Variants in WDR49 observed in about 807,000 individuals in gnomAD.
WDR49 encodes the protein WD repeat domain 49.
In WDR49, 107 loss-of-function variants were observed where a neutral mutation model predicts 119.5. That is an observed-to-expected ratio of 0.90 (90% CI 0.77 to 1.05). The LOEUF is 1.05. WDR49 is among the 50% of genes least tolerant of loss of function. The pLI is 0.00. For missense variants in WDR49, 1,240 were observed against 1,220.5 expected, an observed-to-expected ratio of 1.02 and a Z score of -0.24; for synonymous variants, 425 against 418.8, an observed-to-expected ratio of 1.01 and a Z score of -0.18.
chr3:167,638,886 T>C, intron 2 of WDR49, among the ~76,000 whole-genome samples: 1 of 151,656 alleles, frequency 6.6e-6, no homozygotes, highest in Admixed American at 6.6e-5. Flanking sequence ...AAGCCAAAAA[T>C]TCAACATTTC....
chr3:167,614,751 A>G (rs1716514283), intron 5 of WDR49, among the ~76,000 whole-genome samples: 1 of 152,238 alleles, frequency 6.6e-6, no homozygotes, highest in Admixed American at 6.5e-5. Flanking sequence ...GCTTCAATAA[A>G]AATTATTATC....
At chr3:167,492,821 C>T (rs1751197658) in intron 18 of WDR49, among the ~76,000 whole-genome samples, 1 of 150,952 alleles carries the variant, frequency 6.6e-6, no homozygotes, top group Admixed American at 6.6e-5. Flanking sequence ...GTAATTCCCA[C>T]CCCCACCCCA....
chr3:167,569,089 C>T (rs996927509), intron 8 of WDR49, among the ~76,000 whole-genome samples: 4 of 151,886 alleles, frequency 2.6e-5, no homozygotes, highest in African/African-American at 9.7e-5. Flanking sequence ...TTACAGGCAC[C>T]CACCACCACA....
chr3:167,612,333 T>C (rs1716377073), intron 5 of WDR49, among the ~76,000 whole-genome samples: 1 of 150,788 alleles, frequency 6.6e-6, no homozygotes, highest in Non-Finnish European at 1.5e-5. Context: ...AAAGCAGTAC[T>C]AAGAGGGAAG....
At chr3:167,500,320 G>A (rs111670512) in intron 17 of WDR49, 21 bp from the exon 18 acceptor site, 285 of 1,604,034 alleles carry the variant, frequency 1.8e-4, no homozygotes, top group African/African-American at 1.5e-3. Flanking sequence ...GCAGGTTTTA[G>A]AGGAAGACAG....
At chr3:167,527,444 T>C (rs192844244) in intron 15 of WDR49, among the ~76,000 whole-genome samples, 1 of 152,292 alleles carries the variant, frequency 6.6e-6, no homozygotes, top group Non-Finnish European at 1.5e-5. Context: ...TGCATTTGAT[T>C]ATTACGTTCT....
intron 2 of WDR49, among the ~76,000 whole-genome samples, chr3:167,652,847 G>A (rs550858707): frequency 6.6e-6 from 1 of 152,048 alleles, no homozygotes; most frequent in Non-Finnish European, 1.5e-5. Context: ...TGCAAACTGG[G>A]TATGCATATT....
chr3:167,492,959 G>A (rs1031470014), intron 18 of WDR49, among the ~76,000 whole-genome samples: 6 of 152,058 alleles, frequency 3.9e-5, no homozygotes, highest in Non-Finnish European at 5.9e-5. Context: ...GACTATGTCC[G>A]TTATCAATGT....
intron 8 of WDR49, among the ~76,000 whole-genome samples, chr3:167,564,908 A>T (rs1050884155): frequency 2.0e-5 from 3 of 151,902 alleles, no homozygotes; most frequent in Non-Finnish European, 2.9e-5. Context: ...GGGTCTAAGA[A>T]AAAAAAAACA....
intron 5 of WDR49, among the ~76,000 whole-genome samples, chr3:167,612,360 C>T (rs1351704441): frequency 6.7e-6 from 1 of 150,038 alleles, no homozygotes; most frequent in East Asian, 1.9e-4. Flanking sequence ...GCTGAAAGTG[C>T]CTTCATCAAA....
chr3:167,570,965 C>T (rs942349073), intron 8 of WDR49, among the ~76,000 whole-genome samples: 2 of 148,292 alleles, frequency 1.3e-5, no homozygotes, highest in African/African-American at 2.5e-5. Flanking sequence ...GCGGAGGTTG[C>T]GGTGAGCCGA....
At chr3:167,483,879 A>G (rs957998666) in intron 18 of WDR49, among the ~76,000 whole-genome samples, 6 of 152,284 alleles carry the variant, frequency 3.9e-5, no homozygotes, top group African/African-American at 1.2e-4. Flanking sequence ...TTGTAAATCT[A>G]TATGTGGCAA....
chr3:167,627,263 C>T lies in WDR49; in HGVS notation c.195G>A (p.Met65Ile), dbSNP rs1382233249. 2 of 1,237,698 alleles carry T rather than the reference C, an allele frequency of 1.6e-6. No individual in the cohort carries two copies. Among genetic ancestry groups the T allele is most frequent in the Non-Finnish European group, 2.0e-6 (2 of 990,218 alleles). 76.7% of individuals were successfully genotyped at this position (1,237,698 alleles called of 1,614,324 possible). A position where few individuals can be genotyped will look rare whatever the true frequency, so the allele number is the denominator to read the frequency against. ...ESPQPRKIICMSREDFTQKMT... is the reference protein window; with the variant it reads ...ESPQPRKIICISREDFTQKMT... The stretch of plus-strand genomic sequence containing the variant: ...TCTTCTGCGTGAAGTCTTCTCTGGA[C>T]ATACAAATGATTTTCCTTGGCTGTG... The change falls in exon 3 of 19, where the codon ATG becomes ATA. Residue 65 changes from methionine to isoleucine, a missense_variant. Coordinates refer to ENST00000682715, the MANE Select transcript of WDR49 (RefSeq NM_001366157.1).
intron 16 of WDR49, among the ~76,000 whole-genome samples, chr3:167,510,061 T>C (rs1751908356): frequency 6.6e-6 from 1 of 152,224 alleles, no homozygotes; most frequent in South Asian, 2.1e-4. Context: ...TTTTGCTTAT[T>C]TGTACTTCCA....
At chr3:167,507,350 A>G (rs1433832462) in intron 16 of WDR49, among the ~76,000 whole-genome samples, 1 of 152,196 alleles carries the variant, frequency 6.6e-6, no homozygotes, top group Non-Finnish European at 1.5e-5. Flanking sequence ...ATTAGTATTT[A>G]GCCACTATTT....
chr3:167,609,105 C>T (rs902569636), intron 5 of WDR49, among the ~76,000 whole-genome samples: 1 of 152,134 alleles, frequency 6.6e-6, no homozygotes, highest in Admixed American at 6.5e-5. Context: ...CACTCTATAA[C>T]ATTTGCCAAC....
intron 16 of WDR49, 39 bp from the exon 17 acceptor site, chr3:167,505,455 C>T: frequency 6.8e-7 from 1 of 1,470,368 alleles, no homozygotes; most frequent in Non-Finnish European, 8.9e-7. Flanking sequence ...CATTATTAAC[C>T]ACAGGGATGG....
At chr3:167,626,029 T>C (rs763697678) in intron 3 of WDR49, among the ~76,000 whole-genome samples, 3 of 151,956 alleles carry the variant, frequency 2.0e-5, no homozygotes, top group Non-Finnish European at 4.4e-5. Context: ...TGAAACAAAC[T>C]ATTAATAAGA....
chr3:167,608,228 G>A (rs759843350), intron 5 of WDR49, among the ~76,000 whole-genome samples: 14 of 151,984 alleles, frequency 9.2e-5, no homozygotes, highest in Non-Finnish European at 1.5e-4. Flanking sequence ...TCTCAGTAAG[G>A]CAATATTATA....
Sources: allele counts gnomAD v4.1 joint callset (sites outside exome capture counted in the v4.1 genomes callset), GRCh38; gene constraint gnomAD v4.1.1; transcripts MANE v1.5; gene names NCBI Gene and HGNC (gene_info 2026-07-23, HGNC 2026-07-21).